NPEPPS: variants seen among roughly 807,000 people sequenced by gnomAD.
NPEPPS encodes aminopeptidase puromycin sensitive.
In NPEPPS, 14 loss-of-function variants were observed where a neutral mutation model predicts 115.5. The ratio of observed to expected loss-of-function variants is 0.12; its 90% CI spans 0.08 to 0.19. The LOEUF is 0.19. Ranked by LOEUF, NPEPPS falls within the 10% of genes least tolerant of loss-of-function variation. The pLI is 1.00. For missense variants in NPEPPS, 523 were observed against 1,110.8 expected (o/e 0.47, Z 7.52); for synonymous variants, 285 against 390.6 (o/e 0.73, Z 3.19).
intron 3 of NPEPPS, among the ~76,000 whole-genome samples, chr17:47,570,799 G>C (rs1911145333): frequency 6.6e-6 from 1 of 152,208 alleles, no homozygotes; most frequent in South Asian, 2.1e-4. Context: ...CATGTGAGCT[G>C]ATTTTAAAAA....
intron 1 of NPEPPS, among the ~76,000 whole-genome samples, chr17:47,526,071 A>T (rs1376050678): frequency 6.6e-6 from 1 of 152,172 alleles, no homozygotes; most frequent in African/African-American, 2.4e-5. Flanking sequence ...AATTAGCCAG[A>T]CATGGTGGCG....
At chr17:47,605,630 C>A (rs1913468197) in intron 17 of NPEPPS, 78 bp downstream of exon 17, 4 of 878,006 alleles carry the variant, frequency 4.6e-6, no homozygotes, top group Non-Finnish European at 5.4e-6. Flanking sequence ...TAATTAATAT[C>A]ATCTTTGTAT....
rs1227824277 is a variant in NPEPPS at position 47,551,451 on chromosome 17, TTCA to T, written c.340+5459_340+5461del. Among the ~76,000 whole-genome samples the T allele has an allele frequency of 2.0e-5, 3 of 147,406 alleles. No homozygotes were observed. In the East Asian group the frequency reaches 6.0e-4, roughly 29 times the overall value. ...TTTGCCTAAGTGGTAATTTGTGTCA[TTCA>T]AAGAGTTTTTATTAAATATTATTAT... On this transcript the variant is annotated intron_variant, in intron 2 of 22. Coordinates refer to ENST00000322157, the MANE Select transcript of NPEPPS (RefSeq NM_006310.4).
In NPEPPS at chr17:47,587,290, T is replaced by A; in HGVS notation, c.1041T>A (p.Ala347=). 6.2e-7 allele frequency: 1 copy of A among 1,611,214 alleles called. No homozygotes were observed. The highest frequency in any genetic ancestry group is 8.5e-7 in the Non-Finnish European group (1 of 1,179,058). The change falls in exon 9 of 23, where the codon GCT becomes GCA. Residue 347 remains alanine (A), a synonymous_variant. Transcript: ENST00000322157. ...NSCSSSRQWV[A]LVVGHELAHQ... ...GTTCTTCATCCCGCCAGTGGGTTGC[T>A]CTGGTTGTGGGACATGAACTCGCCC... is the stretch of plus-strand genomic sequence containing the variant.
chr17:47,565,565 A>G (rs1415831745), intron 2 of NPEPPS, among the ~76,000 whole-genome samples: 1 of 151,350 alleles, frequency 6.6e-6, no homozygotes, highest in Non-Finnish European at 1.5e-5. Flanking sequence ...CATGCCTGTA[A>G]TCCCTGCACT....
chr17:47,621,652 C>A, intron 22 of NPEPPS, 116 bp from the exon 23 acceptor site: 2 of 997,578 alleles, frequency 2.0e-6, no homozygotes, highest in Non-Finnish European at 2.8e-6. Flanking sequence ...GTGGTAAATT[C>A]TCATGCCTGA....
chr17:47,549,144 AC>A (rs1909449690), intron 2 of NPEPPS, among the ~76,000 whole-genome samples: 1 of 151,516 alleles, frequency 6.6e-6, no homozygotes, highest in Non-Finnish European at 1.5e-5. Flanking sequence ...GAAGTTCAAG[AC>A]CAGCCTAGCG....
At chr17:47,608,934 A>C (rs375002387) in intron 17 of NPEPPS, among the ~76,000 whole-genome samples, 19 of 152,194 alleles carry the variant, frequency 1.2e-4, no homozygotes, top group African/African-American at 4.6e-4. Flanking sequence ...ACAATAATGA[A>C]TTCTCCACTT....
At chr17:47,556,514 C>CT (rs1321457041) in intron 2 of NPEPPS, among the ~76,000 whole-genome samples, 1 of 152,220 alleles carries the variant, frequency 6.6e-6, no homozygotes, top group East Asian at 1.9e-4. Context: ...TCTGATTTCT[C>CT]TATCTTTTCC....
At chr17:47,533,111 T>A (rs1457405810) in intron 1 of NPEPPS, among the ~76,000 whole-genome samples, 3 of 152,094 alleles carry the variant, frequency 2.0e-5, no homozygotes, top group Non-Finnish European at 4.4e-5. Context: ...GTACTCAGAT[T>A]AAAAATATGT....
At chr17:47,606,744 A>AGCTTCTATGTATTTTCTTCATTGATTC (rs150125921) in intron 17 of NPEPPS, among the ~76,000 whole-genome samples, 1 of 152,038 alleles carries the variant, frequency 6.6e-6, no homozygotes, top group East Asian at 1.9e-4. Flanking sequence ...AGCTGGTCCC[A>AGCTTCTATGTATTTTCTTCATTGATTC]AACAAATATT....
chr17:47,577,601 T>C (rs1392916390), intron 3 of NPEPPS, among the ~76,000 whole-genome samples: 1 of 152,210 alleles, frequency 6.6e-6, no homozygotes, highest in Non-Finnish European at 1.5e-5. Flanking sequence ...TTCATTGTCC[T>C]CTTTAGATAT....
At chr17:47,578,201 C>CA (rs1333262458) in intron 3 of NPEPPS, among the ~76,000 whole-genome samples, 1,671 of 84,278 alleles carry the variant, frequency 0.02, 15 homozygotes, top group African/African-American at 0.056. Flanking sequence ...GCCTCTGTCT[C>CA]AAAAAAAAAA....
At chr17:47,532,658 C>CAAAAA (rs898672269) in intron 1 of NPEPPS, among the ~76,000 whole-genome samples, 4 of 51,388 alleles carry the variant, frequency 7.8e-5, no homozygotes, top group Admixed American at 2.1e-4. Context: ...GACTCCGTCT[C>CAAAAA]AAAAAAAAAA....
rs1484780603 is a variant in NPEPPS, at chr17:47,545,971, A to G, written c.318A>G (p.Ser106=). 4 of 1,553,448 alleles carry G rather than the reference A, an allele frequency of 2.6e-6. No homozygotes were observed. The highest frequency in any genetic ancestry group is 1.4e-5 in the African/African-American group (1 of 73,218). ...CTGATATTGATATTATTACAGCTTC[A>G]TATGCACCAGAAGGAGATGAAGGTA... is the stretch of plus-strand genomic sequence containing the variant. ...NCADIDIITA[S]YAPEGDEEIH... Residue 106 remains serine, a synonymous_variant, in exon 2 of 23, where the codon TCA becomes TCG. Transcript: ENST00000322157.
chr17:47,569,533 T>C lies in NPEPPS; in HGVS notation c.418+39T>C, dbSNP rs749402842. 8 of 920,574 alleles carry C rather than the reference T, an allele frequency of 8.7e-6. No individual in the cohort carries two copies. The African/African-American group carries it at 1.3e-4, about 15-fold the overall frequency. 57.0% of individuals were successfully genotyped at this position (920,574 alleles called of 1,614,324 possible). A position where few individuals can be genotyped will look rare whatever the true frequency, so the allele number is the denominator to read the frequency against. On this transcript the variant is annotated intron_variant, in intron 3 of 22. Transcript: ENST00000322157. ...CTTTTGTAAAATCTCGTGATGAATA[T>C]AGTGACATCTGACTTCCTCCAGAGA... is the stretch of plus-strand genomic sequence containing the variant.
At chr17:47,585,893 A>T in intron 6 of NPEPPS, 193 bp downstream of exon 6, 1 of 600,296 alleles carries the variant, frequency 1.7e-6, no homozygotes, top group Non-Finnish European at 2.9e-6. Context: ...TTAAGAGAAT[A>T]TAAGAGTGGA....
intron 17 of NPEPPS, among the ~76,000 whole-genome samples, chr17:47,612,238 T>C (rs770971653): frequency 2.6e-5 from 4 of 152,206 alleles, no homozygotes; most frequent in African/African-American, 4.8e-5. Flanking sequence ...TTCGTGACTG[T>C]AGATAAAGTC....
intron 15 of NPEPPS, 27 bp from the exon 16 acceptor site, chr17:47,603,888 A>G (rs1913376789): frequency 1.3e-6 from 2 of 1,580,466 alleles, no homozygotes; most frequent in African/African-American, 1.3e-5. Context: ...GGAGCTGTTT[A>G]ATAGTACTTA....
Sources: gnomAD v4.1 joint callset for allele counts (sites outside exome capture counted in the v4.1 genomes callset) on GRCh38, gnomAD v4.1.1 for gene constraint, MANE v1.5 for transcripts, NCBI Gene and HGNC (gene_info 2026-07-23, HGNC 2026-07-21) for gene names.